GSE1: variants seen among roughly 807,000 people sequenced by gnomAD.
GSE1 encodes genetic suppressor element 1.
GSE1 carries 32 observed loss-of-function variants against 112.6 expected under a neutral mutation model. The observed-to-expected ratio is 0.28, with a 90% CI of 0.21 to 0.38. The LOEUF is 0.38. Ranked by LOEUF, GSE1 falls within the 10% of genes least tolerant of loss-of-function variation. The probability of loss-of-function intolerance (pLI) is 1.00; values close to 1 mark genes in which losing one functional copy is unlikely to be tolerated. For synonymous variants in GSE1, 1,115 were observed against 735.6 expected, an observed-to-expected ratio of 1.52 and a Z score of -8.35; for missense variants, 2,348 against 1,699.2, an observed-to-expected ratio of 1.38 and a Z score of -6.71.
At chr16:85,205,421 C>T (rs191441556) in intron 1 of GSE1, among the ~76,000 whole-genome samples, 8 of 152,172 alleles carry the variant, frequency 5.3e-5, no homozygotes, top group Middle Eastern at 3.2e-3. Flanking sequence ...CATGAGCCAC[C>T]GCGCCCAGCC....
intron 1 of GSE1, among the ~76,000 whole-genome samples, chr16:85,194,104 A>T (rs768259453): frequency 6.6e-6 from 1 of 152,214 alleles, no homozygotes; most frequent in African/African-American, 2.4e-5. Context: ...CTCTGACTCA[A>T]CGACGTAGCA....
chr16:85,177,968 A>G (rs959108875), intron 1 of GSE1, among the ~76,000 whole-genome samples: 3 of 151,948 alleles, frequency 2.0e-5, no homozygotes, highest in African/African-American at 7.3e-5. Flanking sequence ...CTACCCACTA[A>G]CTGAACAACG....
At chr16:85,632,429 C>A (rs546035614) in intron 1 of GSE1, among the ~76,000 whole-genome samples, 1 of 152,310 alleles carries the variant, frequency 6.6e-6, no homozygotes, top group African/African-American at 2.4e-5. Flanking sequence ...CCCTACGTCC[C>A]CTCTATCAGG....
At chr16:85,235,428 C>CTGTGTGTGTG (rs60860144) in intron 1 of GSE1, among the ~76,000 whole-genome samples, 241 of 126,386 alleles carry the variant, frequency 1.9e-3, no homozygotes, top group Non-Finnish European at 1.9e-3. Context: ...TGGAAGGGTA[C>CTGTGTGTGTG]TGTGTGTGTG....
chr16:85,175,777 C>T (rs1285615654), intron 1 of GSE1, among the ~76,000 whole-genome samples: 1 of 152,174 alleles, frequency 6.6e-6, no homozygotes, highest in Admixed American at 6.5e-5. Context: ...GAGGCGTGCA[C>T]ACTTCACCTG....
rs1017555326 is a variant in GSE1, at chr16:85,209,624, A to G, written c.2283+37817A>G. 6.6e-5 allele frequency among the ~76,000 whole-genome samples: 10 copies of G among 152,196 alleles called. No individual in the cohort carries two copies. In the South Asian group the frequency reaches 1.0e-3, roughly 16 times the overall value. On this transcript the variant is annotated intron_variant, in intron 1 of 2. Transcript: ENST00000637419. ...GCCTCCCGCGGCCAGCCCAAGGGTC[A>G]CGCAAGGCCAGGAGGTGTTCCCCGG...
chr16:85,186,393 A>G (rs2074702550), intron 1 of GSE1, among the ~76,000 whole-genome samples: 1 of 152,114 alleles, frequency 6.6e-6, no homozygotes, highest in Admixed American at 6.5e-5. Context: ...TCATGAGGTC[A>G]GAAGATCAAG....
At chr16:85,619,344 G>A (rs747062848) in intron 1 of GSE1, among the ~76,000 whole-genome samples, 69 of 152,038 alleles carry the variant, frequency 4.5e-4, no homozygotes, top group Non-Finnish European at 1.2e-4. Context: ...GAGCAGTATT[G>A]ATGTTGGACA....
intron 1 of GSE1, among the ~76,000 whole-genome samples, chr16:85,343,670 A>C (rs2046671571): frequency 6.6e-6 from 1 of 152,162 alleles, no homozygotes; most frequent in African/African-American, 2.4e-5. Flanking sequence ...GGATCGCTTG[A>C]GCCCAGGAGG....
chr16:85,296,992 C>T (rs1482400181), intron 1 of GSE1, among the ~76,000 whole-genome samples: 4 of 152,212 alleles, frequency 2.6e-5, no homozygotes, highest in Non-Finnish European at 5.9e-5. Context: ...TCACTCTGTG[C>T]CTGCTGGGTG....
intron 1 of GSE1, among the ~76,000 whole-genome samples, chr16:85,319,871 C>G (rs551131115): frequency 6.6e-6 from 1 of 152,194 alleles, no homozygotes; most frequent in African/African-American, 2.4e-5. Flanking sequence ...TGAGGCAGCA[C>G]CTAGCATGGT....
intron 1 of GSE1, among the ~76,000 whole-genome samples, chr16:85,629,587 C>G (rs1346154381): frequency 6.6e-6 from 1 of 152,248 alleles, no homozygotes; most frequent in African/African-American, 2.4e-5. Context: ...CTGCTCTGCA[C>G]TGGACCTGGG....
Position 85,243,033 on chromosome 16 carries a change from G to T in GSE1, c.2283+71226G>T, listed in dbSNP as rs561826594. 2.8e-3 allele frequency among the ~76,000 whole-genome samples: 426 copies of T among 152,142 alleles called. 3 individuals are homozygous for T. The highest frequency in any genetic ancestry group is 9.9e-3 in the African/African-American group (409 of 41,486). ...TCGCTGTGTTGCCCAGGCTGGTCACGGACTCCTAGGCTCAAGCAATCCTCC... is the reference window on the plus strand; with the variant it reads ...TCGCTGTGTTGCCCAGGCTGGTCACTGACTCCTAGGCTCAAGCAATCCTCC... On this transcript the variant is annotated intron_variant, in intron 1 of 2. Coordinates refer to the GSE1 transcript ENST00000637419.
intron 1 of GSE1, among the ~76,000 whole-genome samples, chr16:85,601,721 A>C (rs1255781706): frequency 6.6e-6 from 1 of 152,192 alleles, no homozygotes; most frequent in Admixed American, 6.5e-5. Flanking sequence ...ACATAAACAC[A>C]ACAAGAGCCG....
intron 2 of GSE1, among the ~76,000 whole-genome samples, chr16:85,495,555 G>A (rs947487329): frequency 2.0e-5 from 3 of 151,832 alleles, no homozygotes; most frequent in Non-Finnish European, 2.9e-5. Flanking sequence ...GGGGTGCAGT[G>A]GTGGGATCTC....
chr16:85,325,174 T>C (rs1197857676), intron 1 of GSE1, among the ~76,000 whole-genome samples: 1 of 152,042 alleles, frequency 6.6e-6, no homozygotes, highest in Non-Finnish European at 1.5e-5. Flanking sequence ...CTCACTGTGT[T>C]CCCAGGCTGG....
chr16:85,564,995 G>C (rs920277118), intron 1 of GSE1, among the ~76,000 whole-genome samples: 4 of 152,138 alleles, frequency 2.6e-5, no homozygotes, highest in African/African-American at 9.7e-5. Context: ...ATGAAGCCGG[G>C]GAGTGGGTCG....
At chr16:85,344,254 G>T (rs1469710658) in intron 1 of GSE1, among the ~76,000 whole-genome samples, 1 of 152,242 alleles carries the variant, frequency 6.6e-6, no homozygotes, top group Non-Finnish European at 1.5e-5. Flanking sequence ...TGAGGAGGAG[G>T]CAGAGAACAT....
chr16:85,359,813 G>A (rs2047026607), intron 2 of GSE1, among the ~76,000 whole-genome samples: 1 of 152,110 alleles, frequency 6.6e-6, no homozygotes, highest in Non-Finnish European at 1.5e-5. Context: ...TGAGTGCTGG[G>A]AGGCCGAGGA....
Sources: allele counts gnomAD v4.1 joint callset (sites outside exome capture counted in the v4.1 genomes callset), GRCh38; gene constraint gnomAD v4.1.1; transcripts MANE v1.5; gene names NCBI Gene and HGNC (gene_info 2026-07-23, HGNC 2026-07-21).